Variants in CAMKMT observed in about 807,000 individuals in gnomAD.
CAMKMT encodes calmodulin-lysine N-methyltransferase.
In CAMKMT, 53 loss-of-function variants were observed where a neutral mutation model predicts 48.0. The observed-to-expected ratio is 1.10, with a 90% CI of 0.89 to 1.39. CAMKMT has a LOEUF of 1.39. CAMKMT is among the 40% of genes most tolerant of loss of function. The probability of loss-of-function intolerance (pLI) is 0.00; values close to 1 mark genes in which losing one functional copy is unlikely to be tolerated. For missense variants in CAMKMT, 428 were observed against 402.7 expected (o/e 1.06, Z -0.54); for synonymous variants, 165 against 152.3 (o/e 1.08, Z -0.61).
intron 3 of CAMKMT, among the ~76,000 whole-genome samples, chr2:44,491,388 G>T (rs762665764): frequency 6.6e-6 from 1 of 152,092 alleles, no homozygotes; most frequent in Admixed American, 6.6e-5. Context: ...TTAAATGCCA[G>T]TGGTAAAATA....
At chr2:44,681,338 TG>T (rs1676008187) in intron 3 of CAMKMT, among the ~76,000 whole-genome samples, 1 of 152,202 alleles carries the variant, frequency 6.6e-6, no homozygotes, top group Non-Finnish European at 1.5e-5. Flanking sequence ...GTTGTTCAGC[TG>T]GGGATTTTAG....
In CAMKMT at chr2:44,629,109, G is replaced by C. The variant is rs145316103; in HGVS notation, c.377-75174G>C. Among the ~76,000 whole-genome samples, 422 of 152,278 alleles carry C rather than the reference G, an allele frequency of 2.8e-3. No homozygotes were observed. In the Middle Eastern group the frequency reaches 0.034, roughly 12 times the overall value. On this transcript the variant is annotated intron_variant, in intron 3 of 10. Transcript: ENST00000378494. ...CTTGCTCTGCCAATTACTGAGAGAAGAGTAGTGAAATCTCCTATATAATAT... is the reference window on the plus strand; with the variant it reads ...CTTGCTCTGCCAATTACTGAGAGAACAGTAGTGAAATCTCCTATATAATAT...
chr2:44,564,281 T>A (rs1668491674), intron 3 of CAMKMT, among the ~76,000 whole-genome samples: 1 of 151,616 alleles, frequency 6.6e-6, no homozygotes, highest in Admixed American at 6.6e-5. Context: ...GTTCAAGCGA[T>A]TCTCCTGCCT....
At chr2:44,481,867 T>C (rs1321440878) in intron 3 of CAMKMT, among the ~76,000 whole-genome samples, 1 of 152,064 alleles carries the variant, frequency 6.6e-6, no homozygotes, top group Non-Finnish European at 1.5e-5. Context: ...AAATGAGATA[T>C]ATAGTTAAGT....
intron 3 of CAMKMT, among the ~76,000 whole-genome samples, chr2:44,515,091 G>A (rs1164040339): frequency 2.0e-5 from 3 of 152,228 alleles, no homozygotes; most frequent in Non-Finnish European, 4.4e-5. Context: ...ACTCTAAGGG[G>A]TGGGAGAAGC....
intron 3 of CAMKMT, among the ~76,000 whole-genome samples, chr2:44,640,033 C>T (rs1673362643): frequency 6.6e-6 from 1 of 152,160 alleles, no homozygotes; most frequent in Admixed American, 6.5e-5. Flanking sequence ...CATTTCCCTC[C>T]TGCTTGAAAA....
chr2:44,612,595 C>CACAATACTTTATTAGTTCCT (rs1339077915), intron 3 of CAMKMT, among the ~76,000 whole-genome samples: 27 of 152,070 alleles, frequency 1.8e-4, no homozygotes, highest in Non-Finnish European at 3.5e-4. Flanking sequence ...GGAAATACAG[C>CACAATACTTTATTAGTTCCT]ACAATACTTT....
chr2:44,456,458 A>C (rs138373258), intron 3 of CAMKMT: 15,456 of 1,338,406 alleles, frequency 0.012, 393 homozygotes, highest in South Asian at 0.09. Context: ...CAGAATTATT[A>C]TATAAATATG....
intron 3 of CAMKMT, among the ~76,000 whole-genome samples, chr2:44,601,751 C>A (rs2103859368): frequency 1.3e-5 from 2 of 151,678 alleles, no homozygotes; most frequent in Non-Finnish European, 1.5e-5. Context: ...TTTTTAAAAC[C>A]AGAAGATTTA....
chr2:44,392,980 A>G (rs1252345263), intron 3 of CAMKMT, among the ~76,000 whole-genome samples: 1 of 152,126 alleles, frequency 6.6e-6, no homozygotes, highest in Non-Finnish European at 1.5e-5. Flanking sequence ...CTAGTAATAG[A>G]AAAAACAGCT....
intron 3 of CAMKMT, among the ~76,000 whole-genome samples, chr2:44,466,133 G>T (rs899460306): frequency 1.3e-5 from 2 of 152,130 alleles, no homozygotes; most frequent in African/African-American, 2.4e-5. Context: ...CTAGACAGAA[G>T]ATCATAAGGA....
chr2:44,404,409 A>G (rs1382698200), intron 3 of CAMKMT, among the ~76,000 whole-genome samples: 2 of 152,038 alleles, frequency 1.3e-5, no homozygotes, highest in East Asian at 3.8e-4. Context: ...TTTAAAATAC[A>G]TACGTGTTAT....
At chr2:44,549,138 G>C (rs974651783) in intron 3 of CAMKMT, among the ~76,000 whole-genome samples, 5 of 151,618 alleles carry the variant, frequency 3.3e-5, no homozygotes, top group African/African-American at 1.2e-4. Flanking sequence ...CTGGTACATC[G>C]GCTAAGCTCT....
intron 3 of CAMKMT, among the ~76,000 whole-genome samples, chr2:44,542,580 A>T (rs1667192236): frequency 6.6e-6 from 1 of 151,752 alleles, no homozygotes; most frequent in Non-Finnish European, 1.5e-5. Context: ...ATATGTATAT[A>T]TTTCTATACA....
At chr2:44,582,919 A>G (rs1425875823) in intron 3 of CAMKMT, among the ~76,000 whole-genome samples, 1 of 152,186 alleles carries the variant, frequency 6.6e-6, no homozygotes, top group East Asian at 1.9e-4. Context: ...ATTTGTGTGT[A>G]TATTCCTTTC....
intron 3 of CAMKMT, among the ~76,000 whole-genome samples, chr2:44,538,144 T>G (rs1261416100): frequency 1.3e-5 from 2 of 151,794 alleles, no homozygotes; most frequent in Non-Finnish European, 2.9e-5. Context: ...CCGAGGCGGG[T>G]GGATCACGAG....
chr2:44,362,808 C>G (rs932481804), intron 1 of CAMKMT, among the ~76,000 whole-genome samples: 2 of 152,212 alleles, frequency 1.3e-5, no homozygotes, highest in African/African-American at 4.8e-5. Flanking sequence ...TCTGGTACTT[C>G]AAAGTTTCTG....
At chr2:44,462,507 T>C (rs945064251) in intron 3 of CAMKMT, among the ~76,000 whole-genome samples, 1 of 152,162 alleles carries the variant, frequency 6.6e-6, no homozygotes, top group African/African-American at 2.4e-5. Flanking sequence ...TATGATTATT[T>C]AATTGGCCTT....
At chr2:44,752,221 G>A (rs1391726928) in intron 8 of CAMKMT, among the ~76,000 whole-genome samples, 1 of 150,566 alleles carries the variant, frequency 6.6e-6, no homozygotes, top group Non-Finnish European at 1.5e-5. Flanking sequence ...TATGACCTCA[G>A]TTCATAGTTA....
Sources: gnomAD v4.1 joint callset for allele counts (sites outside exome capture counted in the v4.1 genomes callset) on GRCh38, gnomAD v4.1.1 for gene constraint, MANE v1.5 for transcripts, NCBI Gene and HGNC (gene_info 2026-07-23, HGNC 2026-07-21) for gene names.